CNTN5: variants seen among roughly 807,000 people sequenced by gnomAD.
CNTN5 encodes the protein contactin 5.
Under a neutral mutation model 129.1 loss-of-function variants are expected in CNTN5, and 77 were observed. The observed-to-expected ratio is 0.60, with a 90% CI of 0.50 to 0.72. The LOEUF (loss-of-function observed/expected upper bound fraction) is 0.72, where lower values mean the gene tolerates loss of function less well. CNTN5 is among the 30% of genes least tolerant of loss of function. CNTN5 has a pLI of 0.00. For missense variants in CNTN5, 1,478 were observed against 1,328.8 expected (o/e 1.11, Z -1.75); for synonymous variants, 509 against 465.6 (o/e 1.09, Z -1.20).
At chr11:99,391,461 G>A (rs1033016350) in intron 2 of CNTN5, among the ~76,000 whole-genome samples, 3 of 152,106 alleles carry the variant, frequency 2.0e-5, no homozygotes, top group African/African-American at 7.2e-5. Context: ...ATGTCTTGCT[G>A]CTGTCATATA....
chr11:99,962,911 A>G (rs1464626802), intron 8 of CNTN5, among the ~76,000 whole-genome samples: 7 of 150,780 alleles, frequency 4.6e-5, no homozygotes, highest in Non-Finnish European at 7.4e-5. Context: ...ATGGCCAGTG[A>G]TGATGAGCAT....
chr11:99,589,917 A>G (rs1360103129), intron 3 of CNTN5, among the ~76,000 whole-genome samples: 1 of 152,224 alleles, frequency 6.6e-6, no homozygotes, highest in Non-Finnish European at 1.5e-5. Flanking sequence ...GTAATACAAG[A>G]TGTGTCATAT....
intron 2 of CNTN5, among the ~76,000 whole-genome samples, chr11:99,423,945 ACCTTAGAGTATAACAGTTC>A (rs1423023054): frequency 1.3e-5 from 2 of 152,000 alleles, no homozygotes; most frequent in African/African-American, 4.8e-5. Context: ...TGATATTAAA[ACCTTAGAGTATAACAGTTC>A]CCTTTTATTT....
In CNTN5 at chr11:99,859,775, G is replaced by A. The variant is rs181108976; in HGVS notation, c.577+14513G>A. ...TGATGGGCACCTAGGTTGATTCCAC[G>A]TCTTTGCTATTGTGAATAGTGCTTC... On this transcript the variant is annotated intron_variant, in intron 6 of 24. Coordinates refer to ENST00000524871, the MANE Select transcript of CNTN5 (RefSeq NM_014361.4). 3.9e-4 allele frequency among the ~76,000 whole-genome samples: 59 copies of A among 152,162 alleles called. No homozygotes were observed. In the South Asian group the frequency reaches 9.1e-3, roughly 24 times the overall value.
At chr11:99,950,352 G>C (rs11222008) in intron 7 of CNTN5, among the ~76,000 whole-genome samples, 1 of 152,000 alleles carries the variant, frequency 6.6e-6, no homozygotes, top group Non-Finnish European at 1.5e-5. Context: ...GTGGTGGTGG[G>C]CGCCTGTAGT....
At chr11:100,198,342 A>G (rs990501502) in intron 15 of CNTN5, among the ~76,000 whole-genome samples, 1 of 151,978 alleles carries the variant, frequency 6.6e-6, no homozygotes, top group African/African-American at 2.4e-5. Context: ...GGAGAAAAGC[A>G]AAATAAATAA....
At chr11:100,194,970 G>A (rs1295700895) in intron 15 of CNTN5, among the ~76,000 whole-genome samples, 37 of 151,894 alleles carry the variant, frequency 2.4e-4, no homozygotes, top group Admixed American at 2.4e-3. Flanking sequence ...CTCATTAAAT[G>A]AGCGAATTTT....
chr11:100,240,477 G>C (rs1473052154), intron 16 of CNTN5, among the ~76,000 whole-genome samples: 2 of 152,156 alleles, frequency 1.3e-5, no homozygotes, highest in Non-Finnish European at 2.9e-5. Context: ...GGAAACCACT[G>C]ACAGTTCTTT....
intron 2 of CNTN5, among the ~76,000 whole-genome samples, chr11:99,402,380 T>C (rs1941859278): frequency 6.6e-6 from 1 of 152,158 alleles, no homozygotes; most frequent in South Asian, 2.1e-4. Flanking sequence ...ATTGATTAAT[T>C]TGCATATGTT....
At chr11:99,174,519 T>G (rs1436365957) in intron 1 of CNTN5, among the ~76,000 whole-genome samples, 1 of 152,182 alleles carries the variant, frequency 6.6e-6, no homozygotes, top group African/African-American at 2.4e-5. Flanking sequence ...GAATTTCAAA[T>G]TCTGTCTAGT....
At chr11:99,337,814 T>C (rs1866301441) in intron 2 of CNTN5, among the ~76,000 whole-genome samples, 1 of 152,202 alleles carries the variant, frequency 6.6e-6, no homozygotes, top group Admixed American at 6.5e-5. Context: ...AGAAGTCTTT[T>C]TTTGGAATAT....
At chr11:99,542,538 C>T (rs1019743712) in intron 2 of CNTN5, among the ~76,000 whole-genome samples, 2 of 152,150 alleles carry the variant, frequency 1.3e-5, no homozygotes, top group Admixed American at 1.3e-4. Flanking sequence ...AATGTCAAAA[C>T]CGCATTTACT....
intron 3 of CNTN5, among the ~76,000 whole-genome samples, chr11:99,805,170 A>G (rs746613446): frequency 6.6e-6 from 1 of 152,204 alleles, no homozygotes; most frequent in Non-Finnish European, 1.5e-5. Context: ...GATCAGAAAC[A>G]TTACTTTCAT....
chr11:99,524,857 A>G (rs1591216201), intron 2 of CNTN5, among the ~76,000 whole-genome samples: 1 of 152,292 alleles, frequency 6.6e-6, no homozygotes, highest in African/African-American at 2.4e-5. Flanking sequence ...CAATAAAAAC[A>G]TACTAAATTG....
intron 7 of CNTN5, among the ~76,000 whole-genome samples, chr11:99,922,444 A>G (rs1297056231): frequency 6.6e-6 from 1 of 152,206 alleles, no homozygotes; most frequent in Non-Finnish European, 1.5e-5. Flanking sequence ...TTTATTAGCA[A>G]TGACTTCAAC....
chr11:99,196,091 G>A lies in CNTN5; in HGVS notation c.-209-129255G>A, dbSNP rs142679765. On this transcript the variant is annotated intron_variant, in intron 1 of 24. Transcript: ENST00000524871. Reference sequence around the variant, plus strand: ...GATCCAGAAGAGACAAATTTTTAAGGTAAAGAAAGGTTAAAAGTGTCTATA... The same window carrying A: ...GATCCAGAAGAGACAAATTTTTAAGATAAAGAAAGGTTAAAAGTGTCTATA... 5.0e-3 allele frequency among the ~76,000 whole-genome samples: 766 copies of A among 151,730 alleles called. 3 individuals carry two copies. The highest frequency in any genetic ancestry group is 0.018 in the African/African-American group (735 of 41,454).
chr11:99,480,010 A>G (rs1323116185), intron 2 of CNTN5, among the ~76,000 whole-genome samples: 1 of 111,992 alleles, frequency 8.9e-6, no homozygotes, highest in Non-Finnish European at 2.1e-5. Flanking sequence ...AAACAGTTTC[A>G]TTGGCTAAAA....
intron 3 of CNTN5, among the ~76,000 whole-genome samples, chr11:99,700,575 T>C (rs628246): frequency 0.8 from 120,443 of 151,128 alleles, 48,149 homozygotes; most frequent in Middle Eastern, 0.86. Flanking sequence ...ATCAAGTACT[T>C]AGTGACCTTG....
intron 2 of CNTN5, among the ~76,000 whole-genome samples, chr11:99,551,425 G>A (rs1446192963): frequency 2.0e-5 from 3 of 152,048 alleles, no homozygotes; most frequent in Non-Finnish European, 4.4e-5. Flanking sequence ...GGAGCTTAAG[G>A]GTTAACATTA....
Sources: allele counts gnomAD v4.1 joint callset (sites outside exome capture counted in the v4.1 genomes callset), GRCh38; gene constraint gnomAD v4.1.1; transcripts MANE v1.5; gene names NCBI Gene and HGNC (gene_info 2026-07-23, HGNC 2026-07-21).